Variants in WIF1 observed in about 807,000 individuals in gnomAD.
WIF1 encodes the protein Wnt inhibitory factor 1.
A neutral mutation model predicts 53.5 loss-of-function variants in WIF1; 35 were observed. The ratio of observed to expected loss-of-function variants is 0.65; its 90% CI spans 0.50 to 0.87. The LOEUF is 0.87. WIF1 is among the 40% of genes least tolerant of loss of function. The probability of loss-of-function intolerance (pLI) is 0.00; values close to 1 mark genes in which losing one functional copy is unlikely to be tolerated. For missense variants in WIF1, 467 were observed against 476.8 expected (o/e 0.98, Z 0.19); for synonymous variants, 171 against 170.4 (o/e 1.00, Z -0.03).
intron 7 of WIF1, among the ~76,000 whole-genome samples, chr12:65,059,917 G>A (rs1288508993): frequency 2.0e-5 from 3 of 152,124 alleles, no homozygotes; most frequent in African/African-American, 7.2e-5. Flanking sequence ...CTCTCAAAGT[G>A]CTGGGATTAT....
chr12:65,121,220 A>C lies in WIF1; in HGVS notation c.-29T>G. 6.9e-7 allele frequency: 1 copy of C among 1,444,724 alleles called. No individual in the cohort carries two copies. Among genetic ancestry groups the C allele is most frequent in the Non-Finnish European group, 9.2e-7 (1 of 1,091,122 alleles). The allele number at this position is 1,444,724 out of a possible 1,614,324, so 89.5% of individuals were successfully genotyped here. ...GCTCAGGACCTCCTCGCTGCCGGGAAAACTCCTCGTGCCGCACCTACGCAA... is the reference window on the plus strand; with the variant it reads ...GCTCAGGACCTCCTCGCTGCCGGGACAACTCCTCGTGCCGCACCTACGCAA... On this transcript the variant is annotated 5_prime_UTR_variant, in exon 1 of 10. Transcript: ENST00000286574.
In WIF1 at chr12:65,061,286, T is replaced by C. The variant is rs775092506; in HGVS notation, c.826+1195A>G. Among the ~76,000 whole-genome samples the C allele has an allele frequency of 5.9e-5, 9 of 152,192 alleles. No homozygotes were observed. In the South Asian group the frequency reaches 1.7e-3, roughly 28 times the overall value. On this transcript the variant is annotated intron_variant, in intron 7 of 9. Transcript: ENST00000286574. ...AAGTTCAAACAGGAACTTAGTCTTA[T>C]TCAACTTTCAATCTACAATACACTA...
At chr12:65,114,211 A>C (rs1345157550) in intron 2 of WIF1, among the ~76,000 whole-genome samples, 1 of 152,082 alleles carries the variant, frequency 6.6e-6, no homozygotes. Context: ...GAGAAAGGGA[A>C]AAAAAACCAC....
intron 2 of WIF1, among the ~76,000 whole-genome samples, chr12:65,099,533 T>C (rs1420443362): frequency 6.6e-6 from 1 of 152,266 alleles, no homozygotes; most frequent in East Asian, 1.9e-4. Flanking sequence ...TTGTATTCCA[T>C]AGAGAGCAAA....
intron 2 of WIF1, among the ~76,000 whole-genome samples, chr12:65,103,708 G>A (rs138587481): frequency 2.7e-4 from 41 of 152,238 alleles, no homozygotes; most frequent in Non-Finnish European, 4.7e-4. Context: ...GTAATATGGA[G>A]GTAAAATAAT....
chr12:65,113,688 T>G (rs1883466548), intron 2 of WIF1, among the ~76,000 whole-genome samples: 1 of 152,220 alleles, frequency 6.6e-6, no homozygotes, highest in African/African-American at 2.4e-5. Context: ...ATGCCTGCTT[T>G]GCTAAATGAA....
At chr12:65,108,109 C>A (rs1243803312) in intron 2 of WIF1, among the ~76,000 whole-genome samples, 1 of 152,176 alleles carries the variant, frequency 6.6e-6, no homozygotes, top group Non-Finnish European at 1.5e-5. Flanking sequence ...TTTCATAGCA[C>A]CTTCTTCATA....
intron 2 of WIF1, among the ~76,000 whole-genome samples, chr12:65,107,285 G>A (rs1027761335): frequency 6.6e-6 from 1 of 152,214 alleles, no homozygotes; most frequent in African/African-American, 2.4e-5. Context: ...AGGAATCAGA[G>A]TAATTCTACA....
In WIF1 at chr12:65,056,134, A is replaced by G; in HGVS notation, c.827-8T>C. 1.9e-6 allele frequency: 3 copies of G among 1,613,252 alleles called. No homozygotes were observed. Among genetic ancestry groups the G allele is most frequent in the Non-Finnish European group, 2.5e-6 (3 of 1,179,570 alleles). ...AGGGTTGTGGGCATTTGCCTGAAAA[A>G]GAGAAGAATGCAGCTAAACAAGGAA... On this transcript the variant is annotated splice_polypyrimidine_tract_variant and splice_region_variant and intron_variant, in intron 7 of 9. Coordinates refer to ENST00000286574, the MANE Select transcript of WIF1 (RefSeq NM_007191.5).
chr12:65,099,743 T>C (rs533082376), intron 2 of WIF1, among the ~76,000 whole-genome samples: 1 of 152,294 alleles, frequency 6.6e-6, no homozygotes, highest in South Asian at 2.1e-4. Flanking sequence ...TGCCTTTTCT[T>C]TTACAAGCAC....
intron 2 of WIF1, among the ~76,000 whole-genome samples, chr12:65,101,591 A>G (rs1049383199): frequency 1.3e-5 from 2 of 152,244 alleles, no homozygotes; most frequent in Non-Finnish European, 2.9e-5. Flanking sequence ...TATTTTTGCT[A>G]CAAGTAATTG....
chr12:65,100,548 T>C (rs974881348), intron 2 of WIF1, among the ~76,000 whole-genome samples: 10 of 152,284 alleles, frequency 6.6e-5, no homozygotes, highest in African/African-American at 2.2e-4. Flanking sequence ...TCAGCAATAA[T>C]GTATGTGCCA....
intron 2 of WIF1, among the ~76,000 whole-genome samples, chr12:65,088,883 G>A (rs1314276179): frequency 6.6e-6 from 1 of 151,928 alleles, no homozygotes; most frequent in African/African-American, 2.4e-5. Context: ...TTTTCTGGGG[G>A]GGAGCAGATT....
intron 2 of WIF1, among the ~76,000 whole-genome samples, chr12:65,096,580 AG>A (rs1378185147): frequency 1.3e-5 from 2 of 152,222 alleles, no homozygotes; most frequent in African/African-American, 4.8e-5. Flanking sequence ...TGTTTATTGC[AG>A]CACTATGTAC....
rs1882436767 is a variant in WIF1, at chr12:65,051,332, G to T, written c.*17C>A. 6.2e-7 allele frequency: 1 copy of T among 1,608,868 alleles called. No individual in the cohort carries two copies. Among genetic ancestry groups the T allele is most frequent in the South Asian group, 1.1e-5 (1 of 90,008 alleles). On this transcript the variant is annotated 3_prime_UTR_variant, in exon 10 of 10. Transcript: ENST00000286574. ...CTATGAACTTGGTGTAACTTAAAACGTTTCAGATGTCGGAGTTCACCAGAT... is the reference window on the plus strand; with the variant it reads ...CTATGAACTTGGTGTAACTTAAAACTTTTCAGATGTCGGAGTTCACCAGAT...
rs575603863 is a variant in WIF1 at position 65,077,788 on chromosome 12, C to T, written c.355G>A (p.Val119Ile). The T allele has an allele frequency of 2.1e-5, 34 of 1,613,932 alleles. No homozygotes were observed. The highest frequency in any genetic ancestry group is 1.1e-4 in the South Asian group (10 of 91,068). Reference protein sequence around the residue: ...LDKGIMADPTVNVPLLGTVPH... With the variant: ...LDKGIMADPTINVPLLGTVPH... The stretch of plus-strand genomic sequence containing the variant: ...ACTGTTCCCAGCAGAGGGACATTGA[C>T]GGTTGGATCTGCCATGATGCCTTTA... The change falls in exon 3 of 10, where the codon GTC becomes ATC. Residue 119 changes from valine (V) to isoleucine (I), a missense_variant. By Grantham distance (29) the Val-to-Ile change is conservative. Coordinates refer to ENST00000286574, the MANE Select transcript of WIF1 (RefSeq NM_007191.5).
intron 2 of WIF1, among the ~76,000 whole-genome samples, chr12:65,078,372 C>G (rs1841838705): frequency 6.6e-6 from 1 of 152,160 alleles, no homozygotes; most frequent in African/African-American, 2.4e-5. Flanking sequence ...AGCTACTATG[C>G]CTGCCCAGTA....
At chr12:65,055,427 G>A (rs1391125849) in intron 8 of WIF1, among the ~76,000 whole-genome samples, 2 of 152,200 alleles carry the variant, frequency 1.3e-5, no homozygotes, top group Non-Finnish European at 2.9e-5. Context: ...ATTCGCAAAA[G>A]ACATTCAGTA....
intron 9 of WIF1, among the ~76,000 whole-genome samples, chr12:65,051,818 C>T (rs973827235): frequency 3.3e-5 from 5 of 152,168 alleles, no homozygotes; most frequent in Admixed American, 2.6e-4. Flanking sequence ...CAGATTTGGT[C>T]GTTGATCCTT....
Sources: allele counts gnomAD v4.1 joint callset (sites outside exome capture counted in the v4.1 genomes callset), GRCh38; gene constraint gnomAD v4.1.1; transcripts MANE v1.5; gene names NCBI Gene and HGNC (gene_info 2026-07-23, HGNC 2026-07-21).